Variants in COL22A1 observed in about 807,000 individuals in gnomAD.
COL22A1 encodes collagen type XXII alpha 1 chain.
In COL22A1, 221 loss-of-function variants were observed where a neutral mutation model predicts 248.9. The observed-to-expected ratio is 0.89, with a 90% CI of 0.80 to 0.99. The LOEUF is 0.99. COL22A1 is among the 50% of genes least tolerant of loss of function. COL22A1 has a pLI of 0.00. For missense variants in COL22A1, 2,240 were observed against 2,179.0 expected (o/e 1.03, Z -0.56); for synonymous variants, 891 against 793.4 (o/e 1.12, Z -2.07).
At chr8:138,688,572 G>C (rs1297322246) in intron 37 of COL22A1, among the ~76,000 whole-genome samples, 1 of 152,092 alleles carries the variant, frequency 6.6e-6, no homozygotes, top group East Asian at 1.9e-4. Context: ...TGTGAGCATA[G>C]GTGTATAATG....
At chr8:138,692,411 G>A (rs1202122168) in intron 35 of COL22A1, among the ~76,000 whole-genome samples, 6 of 151,566 alleles carry the variant, frequency 4.0e-5, no homozygotes, top group African/African-American at 1.5e-4. Flanking sequence ...GTGTGTGTAT[G>A]TGTGTGTGCA....
At chr8:138,652,236 C>T (rs1329287587) in intron 45 of COL22A1, among the ~76,000 whole-genome samples, 2 of 152,210 alleles carry the variant, frequency 1.3e-5, no homozygotes, top group Admixed American at 1.3e-4. Context: ...TGGGCTTGCC[C>T]ATACGCCACT....
intron 62 of COL22A1, among the ~76,000 whole-genome samples, chr8:138,596,680 A>G (rs1267575879): frequency 6.6e-6 from 1 of 152,184 alleles, no homozygotes; most frequent in African/African-American, 2.4e-5. Context: ...GCTCTCCTTC[A>G]CTAGAGGTAA....
intron 1 of COL22A1, among the ~76,000 whole-genome samples, chr8:138,901,358 G>GGT (rs1554660859): frequency 1.5e-5 from 2 of 131,514 alleles, no homozygotes; most frequent in Non-Finnish European, 3.1e-5. Context: ...TTACTGGCAG[G>GGT]TTTTTTTTTT....
chr8:138,893,440 AGTT>A (rs1017470623), intron 1 of COL22A1, among the ~76,000 whole-genome samples: 1 of 152,200 alleles, frequency 6.6e-6, no homozygotes, highest in Non-Finnish European at 1.5e-5. Flanking sequence ...TAATTAAACG[AGTT>A]ACGATATATA....
chr8:138,772,375 G>A (rs1005571820), intron 16 of COL22A1, among the ~76,000 whole-genome samples: 13 of 152,212 alleles, frequency 8.5e-5, no homozygotes, highest in Non-Finnish European at 5.9e-5. Context: ...CCATGTGGTT[G>A]ACCAAGGTCA....
At chr8:138,610,670 C>A (rs1466377198) in intron 56 of COL22A1, among the ~76,000 whole-genome samples, 1 of 152,202 alleles carries the variant, frequency 6.6e-6, no homozygotes. Context: ...CAGGGCCATG[C>A]CCCACCCCGC....
intron 47 of COL22A1, among the ~76,000 whole-genome samples, chr8:138,643,239 C>G (rs1348482828): frequency 6.6e-6 from 1 of 152,172 alleles, no homozygotes; most frequent in Non-Finnish European, 1.5e-5. Flanking sequence ...ACCTTTCAAT[C>G]TAACACTGCC....
chr8:138,805,620 AGGG>A (rs1817503343), intron 10 of COL22A1, among the ~76,000 whole-genome samples: 1 of 94,890 alleles, frequency 1.1e-5, no homozygotes. Flanking sequence ...ACGGTGTGTG[AGGG>A]TGTGTGTGTG....
At chr8:138,623,883 C>A in intron 51 of COL22A1, 98 bp from the exon 52 acceptor site, 1 of 1,011,472 alleles carries the variant, frequency 9.9e-7, no homozygotes. Context: ...CAGCTTCCAG[C>A]AGTTGCCTTC....
chr8:138,893,795 G>A (rs1825217576), intron 1 of COL22A1, among the ~76,000 whole-genome samples: 1 of 152,186 alleles, frequency 6.6e-6, no homozygotes, highest in South Asian at 2.1e-4. Flanking sequence ...CTTTGTCCAA[G>A]GAGCTTGCAG....
chr8:138,743,665 G>T (rs1325205612), intron 22 of COL22A1, among the ~76,000 whole-genome samples: 1 of 152,170 alleles, frequency 6.6e-6, no homozygotes, highest in African/African-American at 2.4e-5. Context: ...ATAAAGAGCT[G>T]TTTTACTAAC....
chr8:138,660,821 CACACACAT>C (rs1823774733), intron 43 of COL22A1, among the ~76,000 whole-genome samples: 2 of 13,012 alleles, frequency 1.5e-4, no homozygotes, highest in Non-Finnish European at 5.4e-4. Flanking sequence ...TACACACATA[CACACACAT>C]ACACACACAG....
At chr8:138,886,314 C>G (rs1434680353) in intron 1 of COL22A1, among the ~76,000 whole-genome samples, 3 of 152,140 alleles carry the variant, frequency 2.0e-5, no homozygotes, top group Non-Finnish European at 4.4e-5. Context: ...AAAGCAGTGA[C>G]TGCGTCTTAT....
intron 62 of COL22A1, among the ~76,000 whole-genome samples, chr8:138,596,506 C>G (rs563518925): frequency 2.0e-5 from 3 of 152,350 alleles, no homozygotes; most frequent in African/African-American, 7.2e-5. Flanking sequence ...CCTCTATTGA[C>G]TTTACTAAAA....
chr8:138,604,978 C>T lies in COL22A1; in HGVS notation c.4105-209G>A, dbSNP rs76278043. On this transcript the variant is annotated intron_variant, in intron 58 of 64. Transcript: ENST00000303045. ...ATCACCCCAGGTTAGGAAGAAGAGCCACGGGTTAAGAGCTCCTTGTCAATG... is the reference window on the plus strand; with the variant it reads ...ATCACCCCAGGTTAGGAAGAAGAGCTACGGGTTAAGAGCTCCTTGTCAATG... 6.2e-3 allele frequency among the ~76,000 whole-genome samples: 946 copies of T among 152,212 alleles called. 12 individuals carry two copies. The highest frequency in any genetic ancestry group is 0.022 in the African/African-American group (909 of 41,530).
At chr8:138,899,270 C>A (rs1814363793) in intron 1 of COL22A1, among the ~76,000 whole-genome samples, 1 of 152,134 alleles carries the variant, frequency 6.6e-6, no homozygotes, top group African/African-American at 2.4e-5. Flanking sequence ...TTCACCATGC[C>A]AGACATGAAT....
chr8:138,885,311 G>T (rs961381462), intron 1 of COL22A1, among the ~76,000 whole-genome samples: 1 of 152,070 alleles, frequency 6.6e-6, no homozygotes, highest in Non-Finnish European at 1.5e-5. Flanking sequence ...TTCCAATTCT[G>T]CATGTTACAC....
chr8:138,852,289 G>C (rs1821703223), intron 3 of COL22A1, among the ~76,000 whole-genome samples: 1 of 152,112 alleles, frequency 6.6e-6, no homozygotes, highest in Non-Finnish European at 1.5e-5. Flanking sequence ...TGGTCGGGGG[G>C]AAGGGATGAT....
Sources: allele counts gnomAD v4.1 joint callset (sites outside exome capture counted in the v4.1 genomes callset), GRCh38; gene constraint gnomAD v4.1.1; transcripts MANE v1.5; gene names NCBI Gene and HGNC (gene_info 2026-07-23, HGNC 2026-07-21).